FOXP2: variants seen among roughly 807,000 people sequenced by gnomAD.
FOXP2 encodes the protein forkhead box P2, also known as forkhead box protein P2.
In FOXP2, 12 loss-of-function variants were observed where a neutral mutation model predicts 115.8. The ratio of observed to expected loss-of-function variants is 0.10; its 90% CI spans 0.07 to 0.17. The LOEUF (loss-of-function observed/expected upper bound fraction) is 0.17, where lower values mean the gene tolerates loss of function less well. Among genes scored for constraint, FOXP2 ranks in the 10% least tolerant of loss-of-function variants. The probability of loss-of-function intolerance (pLI) is 1.00; values close to 1 mark genes in which losing one functional copy is unlikely to be tolerated. For missense variants in FOXP2, 629 were observed against 843.5 expected (o/e 0.75, Z 3.15); for synonymous variants, 328 against 297.7 (o/e 1.10, Z -1.05).
At chr7:114,559,843 C>T (rs893768868) in intron 3 of FOXP2, among the ~76,000 whole-genome samples, 4 of 149,208 alleles carry the variant, frequency 2.7e-5, no homozygotes, top group African/African-American at 7.5e-5. Context: ...GAGCCAATAT[C>T]GTGCCACTGC....
At chr7:114,238,219 T>C (rs1048125156) in intron 1 of FOXP2, among the ~76,000 whole-genome samples, 4 of 152,202 alleles carry the variant, frequency 2.6e-5, no homozygotes, top group African/African-American at 9.6e-5. Context: ...GTGTATTCTA[T>C]TCCCAAGACA....
intron 3 of FOXP2, among the ~76,000 whole-genome samples, chr7:114,560,766 C>G (rs770908720): frequency 6.6e-6 from 1 of 152,132 alleles, no homozygotes; most frequent in Non-Finnish European, 1.5e-5. Flanking sequence ...ACCCAAAATT[C>G]GTCCAAAAAG....
intron 3 of FOXP2, among the ~76,000 whole-genome samples, chr7:114,593,992 T>C (rs1188548445): frequency 6.6e-6 from 1 of 152,008 alleles, no homozygotes; most frequent in African/African-American, 2.4e-5. Context: ...GAAGCATTGC[T>C]ATTGAGTGAA....
intron 1 of FOXP2, among the ~76,000 whole-genome samples, chr7:114,285,072 A>C (rs921980584): frequency 2.0e-5 from 3 of 152,082 alleles, no homozygotes; most frequent in Non-Finnish European, 4.4e-5. Flanking sequence ...AAAATAACTA[A>C]AGTGTACTAG....
rs1444280781 is a variant in FOXP2, at chr7:114,692,870, C to T, written c.*2944C>T. On this transcript the variant is annotated 3_prime_UTR_variant, in exon 17 of 17. Transcript: ENST00000350908. ...AACTAATTTTTGATACTTTTCATTA[C>T]TGTGTACTATGTTCATACTTTGAAT... is the stretch of plus-strand genomic sequence containing the variant. 2 of 453,716 alleles carry T rather than the reference C, an allele frequency of 4.4e-6. No individual in the cohort carries two copies. Among genetic ancestry groups the T allele is most frequent in the Non-Finnish European group, 8.8e-6 (2 of 226,548 alleles). 28.1% of individuals were successfully genotyped at this position (453,716 alleles called of 1,614,324 possible).
In FOXP2 at chr7:114,580,481, G is replaced by A. The variant is rs567593730; in HGVS notation, c.258+45775G>A. Among the ~76,000 whole-genome samples the A allele has an allele frequency of 9.2e-5, 14 of 152,314 alleles. No homozygotes were observed. In the South Asian group the frequency reaches 2.1e-3, roughly 23 times the overall value. ...TAGTCCCAGCTACTTGAGAGGCTGAGACAGGAGAATTGTTTGAACCCGGGA... is the reference window on the plus strand; with the variant it reads ...TAGTCCCAGCTACTTGAGAGGCTGAAACAGGAGAATTGTTTGAACCCGGGA... On this transcript the variant is annotated intron_variant, in intron 3 of 16. Coordinates refer to ENST00000350908, the MANE Select transcript of FOXP2 (RefSeq NM_014491.4).
intron 2 of FOXP2, among the ~76,000 whole-genome samples, chr7:114,525,849 T>C (rs949868417): frequency 1.3e-5 from 2 of 152,068 alleles, no homozygotes; most frequent in Non-Finnish European, 1.5e-5. Context: ...TGGTGGCCCA[T>C]GCCTGTAATC....
intron 1 of FOXP2, among the ~76,000 whole-genome samples, chr7:114,147,588 A>G (rs1792411301): frequency 1.3e-5 from 2 of 152,164 alleles, no homozygotes; most frequent in South Asian, 4.1e-4. Context: ...GTCCATGTTT[A>G]TATTTGTATG....
intron 1 of FOXP2, among the ~76,000 whole-genome samples, chr7:114,192,684 A>C (rs1434757171): frequency 6.6e-6 from 1 of 152,042 alleles, no homozygotes; most frequent in Non-Finnish European, 1.5e-5. Flanking sequence ...GTTTAAACAC[A>C]TACAGTTTCA....
chr7:114,571,351 T>C (rs1801291525), intron 3 of FOXP2, among the ~76,000 whole-genome samples: 1 of 151,890 alleles, frequency 6.6e-6, no homozygotes, highest in Non-Finnish European at 1.5e-5. Context: ...ACTGTAATAT[T>C]TGGTGAAAAT....
chr7:114,348,865 C>CAGTG (rs1334583763), intron 2 of FOXP2, among the ~76,000 whole-genome samples: 1 of 152,090 alleles, frequency 6.6e-6, no homozygotes, highest in Non-Finnish European at 1.5e-5. Flanking sequence ...GATCAGCCAT[C>CAGTG]AGTGCGTGGG....
intron 2 of FOXP2, among the ~76,000 whole-genome samples, chr7:114,367,023 A>C (rs1791897687): frequency 6.6e-6 from 1 of 152,146 alleles, no homozygotes; most frequent in South Asian, 2.1e-4. Context: ...CTCCTTCAAT[A>C]TGTAGAGCAT....
intron 1 of FOXP2, among the ~76,000 whole-genome samples, chr7:114,253,598 G>C (rs1170725512): frequency 6.6e-6 from 1 of 152,096 alleles, no homozygotes; most frequent in African/African-American, 2.4e-5. Context: ...TGTTTTATCA[G>C]AGACTAGGAT....
chr7:114,249,685 G>C (rs538322449), intron 1 of FOXP2, among the ~76,000 whole-genome samples: 1 of 152,110 alleles, frequency 6.6e-6, no homozygotes, highest in African/African-American at 2.4e-5. Flanking sequence ...ATGTGTGCAT[G>C]TATCTTTATA....
chr7:114,154,173 T>G (rs186621078), intron 1 of FOXP2, among the ~76,000 whole-genome samples: 79 of 152,252 alleles, frequency 5.2e-4, no homozygotes, highest in African/African-American at 1.8e-3. Flanking sequence ...TTAGCCTTGC[T>G]TACTTAAAGC....
chr7:114,407,338 G>A (rs893763084), intron 2 of FOXP2, among the ~76,000 whole-genome samples: 1 of 151,900 alleles, frequency 6.6e-6, no homozygotes, highest in Non-Finnish European at 1.5e-5. Context: ...CCACCAAGAA[G>A]GTGTTTTAAT....
At chr7:114,633,777 A>G (rs758966814) in intron 6 of FOXP2, among the ~76,000 whole-genome samples, 15 of 152,216 alleles carry the variant, frequency 9.9e-5, no homozygotes, top group Non-Finnish European at 1.8e-4. Flanking sequence ...AGAGTGGGGA[A>G]AAAGTAAAGA....
chr7:114,228,326 C>T (rs73439580), intron 1 of FOXP2, among the ~76,000 whole-genome samples: 2,386 of 151,980 alleles, frequency 0.016, 48 homozygotes, highest in African/African-American at 0.042. Flanking sequence ...AGTATTACTC[C>T]GTGGATTGAG....
chr7:114,538,216 T>A (rs1224669514), intron 3 of FOXP2: 4 of 738,410 alleles, frequency 5.4e-6, no homozygotes, highest in Non-Finnish European at 6.3e-6. Context: ...TCTGTAAATT[T>A]AAAAAAATTT....
Sources: allele counts gnomAD v4.1 joint callset (sites outside exome capture counted in the v4.1 genomes callset), GRCh38; gene constraint gnomAD v4.1.1; transcripts MANE v1.5; gene names NCBI Gene and HGNC (gene_info 2026-07-23, HGNC 2026-07-21).